Variants in PXK observed in about 807,000 individuals in gnomAD.
The protein encoded by PXK is PX domain-containing protein kinase-like protein.
Under a neutral mutation model 84.7 loss-of-function variants are expected in PXK, and 35 were observed. The ratio of observed to expected loss-of-function variants is 0.41; its 90% CI spans 0.32 to 0.55. The LOEUF (loss-of-function observed/expected upper bound fraction) is 0.55, where lower values mean the gene tolerates loss of function less well. PXK is among the 20% of genes least tolerant of loss of function. The probability of loss-of-function intolerance (pLI) is 0.21; values close to 1 mark genes in which losing one functional copy is unlikely to be tolerated. For missense variants in PXK, 634 were observed against 699.7 expected (o/e 0.91, Z 1.06); for synonymous variants, 253 against 260.8 (o/e 0.97, Z 0.29).
chr3:58,359,766 G>T (rs886953140), intron 1 of PXK, among the ~76,000 whole-genome samples: 2 of 152,028 alleles, frequency 1.3e-5, no homozygotes, highest in African/African-American at 4.8e-5. Context: ...AATGCTAAAG[G>T]ACTGATCTCC....
At position 58,421,830 on chromosome 3, in the gene PXK, G is replaced by A. The variant is rs2061918185; in HGVS notation, c.1529-2922G>A. The A allele has an allele frequency of 7.1e-6, 7 of 985,314 alleles. No homozygotes were observed. The highest frequency in any genetic ancestry group is 8.4e-6 in the Non-Finnish European group (7 of 829,942). 61.0% of individuals were successfully genotyped at this position (985,314 alleles called of 1,614,324 possible). On this transcript the variant is annotated intron_variant, in intron 17 of 17. Coordinates refer to ENST00000356151, the MANE Select transcript of PXK (RefSeq NM_017771.5). This position sits in a 1 kb window ranked among gnomAD's most constrained non-coding sequence, Gnocchi z 5.5. ...GAGAAAGTGAGATGGGAGAAATCGG[G>A]ACTGACCTGGTCGTAACTGAAGGTA...
intron 13 of PXK, among the ~76,000 whole-genome samples, chr3:58,405,737 C>T (rs1300717759): frequency 2.0e-5 from 3 of 150,326 alleles, no homozygotes; most frequent in East Asian, 2.0e-4. Context: ...GAGATCATGC[C>T]GGTACACTCC....
At chr3:58,402,921 G>A (rs901170749) in intron 12 of PXK, among the ~76,000 whole-genome samples, 4 of 151,740 alleles carry the variant, frequency 2.6e-5, no homozygotes, top group Non-Finnish European at 4.4e-5. Flanking sequence ...AGCCCAGTAC[G>A]CAATATTTAG....
chr3:58,424,085 C>G (rs1026625114), intron 17 of PXK, among the ~76,000 whole-genome samples: 12 of 152,194 alleles, frequency 7.9e-5, no homozygotes, highest in African/African-American at 2.9e-4. Context: ...AGAGAGACCC[C>G]TCTGCCCCCT....
intron 1 of PXK, among the ~76,000 whole-genome samples, chr3:58,354,708 A>G (rs1457585372): frequency 6.6e-6 from 1 of 150,848 alleles, no homozygotes; most frequent in African/African-American, 2.4e-5. Flanking sequence ...TCGGCCTCCC[A>G]AAGTGCTGGG....
rs1277214299 is a variant in PXK at position 58,416,581 on chromosome 3, CT to C, written c.1528+3619del. Among the ~76,000 whole-genome samples the C allele has an allele frequency of 1.1e-5, 1 of 94,010 alleles. No homozygotes were observed. The highest frequency in any genetic ancestry group is 2.4e-5 in the Non-Finnish European group (1 of 42,420). 61.7% of individuals were successfully genotyped at this position (94,010 alleles called of 152,430 possible). ...CATAGGCTTGCTCTGCCTTCAAGGCCTCTGCAGAGTGAGAGCAGGAGGACTC... is the reference window on the plus strand; with the variant it reads ...CATAGGCTTGCTCTGCCTTCAAGGCCCTGCAGAGTGAGAGCAGGAGGACTC... On this transcript the variant is annotated intron_variant, in intron 17 of 17. Transcript: ENST00000356151. This position sits in a 1 kb window ranked among gnomAD's most constrained non-coding sequence, Gnocchi z 4.8.
At chr3:58,365,494 C>A (rs890841492) in intron 1 of PXK, among the ~76,000 whole-genome samples, 1 of 152,170 alleles carries the variant, frequency 6.6e-6, no homozygotes, top group African/African-American at 2.4e-5. Context: ...TAATTAAATC[C>A]TGTTGGCTGA....
In PXK at chr3:58,421,218, C is replaced by G. The variant is rs746071388; in HGVS notation, c.1529-3534C>G. The G allele has an allele frequency of 1.0e-6, 1 of 985,334 alleles. No homozygotes were observed. Among genetic ancestry groups the G allele is most frequent in the South Asian group, 4.7e-5 (1 of 21,280 alleles). The allele number at this position is 985,334 out of a possible 1,614,324, so 61.0% of individuals were successfully genotyped here. On this transcript the variant is annotated intron_variant, in intron 17 of 17. Transcript: ENST00000356151. This position sits in a 1 kb window ranked among gnomAD's most constrained non-coding sequence, Gnocchi z 5.5. ...CTTGGCCTCCCTTCCTGTATGTGACCACAAAGGAGCTCAGAATTAGAGAGA... is the reference window on the plus strand; with the variant it reads ...CTTGGCCTCCCTTCCTGTATGTGACGACAAAGGAGCTCAGAATTAGAGAGA...
intron 17 of PXK, among the ~76,000 whole-genome samples, chr3:58,418,066 GC>G (rs1185030050): frequency 5.3e-5 from 8 of 152,122 alleles, no homozygotes; most frequent in Admixed American, 1.3e-4. Context: ...TGATCTGCCC[GC>G]CTTAGCCTCC....
intron 1 of PXK, among the ~76,000 whole-genome samples, chr3:58,340,166 G>T (rs527379625): frequency 5.9e-4 from 89 of 150,338 alleles, no homozygotes; most frequent in African/African-American, 2.1e-3. Flanking sequence ...CGTCAGCCAG[G>T]CTGGAGGGCA....
Position 58,421,774 on chromosome 3 carries a change from T to A in PXK, c.1529-2978T>A. On this transcript the variant is annotated intron_variant, in intron 17 of 17. Transcript: ENST00000356151. This position sits in a 1 kb window ranked among gnomAD's most constrained non-coding sequence, Gnocchi z 5.5. ...GGAGAAGATTTTGGGGTGGGTAGAG[T>A]AAGTAGTTGGCTCTCAGGGATTTTG... is the stretch of plus-strand genomic sequence containing the variant. The A allele has an allele frequency of 1.0e-6, 1 of 985,120 alleles. No individual in the cohort carries two copies. The highest frequency in any genetic ancestry group is 1.2e-6 in the Non-Finnish European group (1 of 829,896). 61.0% of individuals were successfully genotyped at this position (985,120 alleles called of 1,614,324 possible).
intron 1 of PXK, among the ~76,000 whole-genome samples, chr3:58,362,034 T>G (rs1028861004): frequency 3.9e-5 from 6 of 152,218 alleles, no homozygotes; most frequent in Non-Finnish European, 1.5e-5. Flanking sequence ...ATTTAAGCCA[T>G]TCTGATAGGT....
At chr3:58,339,060 AT>A (rs540546020) in intron 1 of PXK, among the ~76,000 whole-genome samples, 252 of 152,172 alleles carry the variant, frequency 1.7e-3, no homozygotes, top group African/African-American at 5.9e-3. Context: ...GTGGTTATGT[AT>A]TTTTCCCCAC....
At chr3:58,343,703 A>G (rs1022105726) in intron 1 of PXK, among the ~76,000 whole-genome samples, 2 of 152,102 alleles carry the variant, frequency 1.3e-5, no homozygotes, top group African/African-American at 4.8e-5. Flanking sequence ...TTGTCTATGT[A>G]TTGCTGGGTT....
chr3:58,387,625 CCG>C (rs1371657280), intron 4 of PXK, among the ~76,000 whole-genome samples: 4 of 152,076 alleles, frequency 2.6e-5, no homozygotes, highest in African/African-American at 7.2e-5. Context: ...GGTAGCCAGG[CCG>C]AGAGGCAGTG....
chr3:58,403,768 C>T, intron 12 of PXK, 94 bp from the exon 13 acceptor site: 2 of 628,078 alleles, frequency 3.2e-6, no homozygotes, highest in Admixed American at 3.1e-5. Flanking sequence ...GGAAGGGAGA[C>T]CTCATGGGCT....
chr3:58,416,989 T>A lies in PXK; in HGVS notation c.1528+4026T>A, dbSNP rs996892064. 1.3e-4 allele frequency among the ~76,000 whole-genome samples: 20 copies of A among 152,230 alleles called. No homozygotes were observed. The highest frequency in any genetic ancestry group is 7.2e-4 in the Admixed American group (11 of 15,288). On this transcript the variant is annotated intron_variant, in intron 17 of 17. Transcript: ENST00000356151. This position sits in a 1 kb window ranked among gnomAD's most constrained non-coding sequence, Gnocchi z 4.8. Reference sequence around the variant, plus strand: ...TCTTCCTTGCAGAACTGGAGGTCGGTCTTCTCCTGGGCTCAAGTGATCCTC... The same window carrying A: ...TCTTCCTTGCAGAACTGGAGGTCGGACTTCTCCTGGGCTCAAGTGATCCTC...
At chr3:58,396,260 T>C (rs560065278) in intron 9 of PXK, among the ~76,000 whole-genome samples, 28 of 152,332 alleles carry the variant, frequency 1.8e-4, no homozygotes, top group African/African-American at 6.5e-4. Flanking sequence ...ACTATGCACA[T>C]ACATATATGT....
At position 58,395,729 on chromosome 3, in the gene PXK, A is replaced by C; in HGVS notation, c.792A>C (p.Gln264His). The C allele has an allele frequency of 6.2e-7, 1 of 1,612,908 alleles. No individual in the cohort carries two copies. The highest frequency in any genetic ancestry group is 1.1e-5 in the South Asian group (1 of 91,016). ...PKKIQGLELQ[Q>H]IKTYGRQILE... is the part of the protein sequence containing the mutation. The stretch of plus-strand genomic sequence containing the variant: ...AGATTCAGGGCCTGGAACTCCAGCA[A>C]ATAAAAACATATGGACGGCAAATAT... Residue 264 changes from glutamine (Q) to histidine (H), a missense_variant, in exon 9 of 18, where the codon CAA becomes CAC. Transcript: ENST00000356151.
Sources: allele counts gnomAD v4.1 joint callset (sites outside exome capture counted in the v4.1 genomes callset), GRCh38; gene constraint gnomAD v4.1.1; non-coding constraint Gnocchi (gnomAD v3.1); transcripts MANE v1.5; gene names NCBI Gene and HGNC (gene_info 2026-07-23, HGNC 2026-07-21).